The following ADAMTSL3 variants were observed in gnomAD, a reference collection of about 807,000 sequenced individuals.
ADAMTSL3 encodes the protein ADAMTS like 3.
Under a neutral mutation model 201.7 loss-of-function variants are expected in ADAMTSL3, and 128 were observed. That is an observed-to-expected ratio of 0.63 (90% CI 0.55 to 0.73). The LOEUF (loss-of-function observed/expected upper bound fraction) is 0.73, where lower values mean the gene tolerates loss of function less well. Among genes scored for constraint, ADAMTSL3 ranks in the 30% least tolerant of loss-of-function variants. The pLI, the probability that ADAMTSL3 is intolerant of heterozygous loss-of-function variation, is 0.00. For missense variants in ADAMTSL3, 1,990 were observed against 2,119.6 expected, an observed-to-expected ratio of 0.94 and a Z score of 1.20; for synonymous variants, 738 against 748.4, an observed-to-expected ratio of 0.99 and a Z score of 0.23.
At chr15:83,787,311 C>A (rs760468639) in intron 4 of ADAMTSL3, among the ~76,000 whole-genome samples, 3 of 152,084 alleles carry the variant, frequency 2.0e-5, no homozygotes, top group African/African-American at 2.4e-5. Context: ...TCTCTTTATG[C>A]TGTGCCCACA....
At chr15:83,774,023 C>T (rs746898826) in intron 4 of ADAMTSL3, among the ~76,000 whole-genome samples, 46 of 152,114 alleles carry the variant, frequency 3.0e-4, no homozygotes, top group African/African-American at 6.5e-4. Flanking sequence ...AGCAACCCGT[C>T]GATTAGGAAC....
intron 3 of ADAMTSL3, among the ~76,000 whole-genome samples, chr15:83,748,721 A>G (rs2062591626): frequency 6.6e-6 from 1 of 152,018 alleles, no homozygotes; most frequent in South Asian, 2.1e-4. Flanking sequence ...AAGAAGAAAG[A>G]AACACAGCAT....
At chr15:83,757,093 A>T (rs2062733922) in intron 3 of ADAMTSL3, among the ~76,000 whole-genome samples, 1 of 152,106 alleles carries the variant, frequency 6.6e-6, no homozygotes, top group South Asian at 2.1e-4. Context: ...CGGTCAGTGG[A>T]TCTACCATTC....
At chr15:83,841,603 A>G (rs956898830) in intron 7 of ADAMTSL3, among the ~76,000 whole-genome samples, 1 of 151,766 alleles carries the variant, frequency 6.6e-6, no homozygotes, top group African/African-American at 2.4e-5. Flanking sequence ...TGCTAGCTGC[A>G]TTTTTGTTAA....
intron 5 of ADAMTSL3, among the ~76,000 whole-genome samples, chr15:83,809,395 A>T (rs1419977488): frequency 6.6e-6 from 1 of 152,190 alleles, no homozygotes; most frequent in Non-Finnish European, 1.5e-5. Context: ...GCACCCAAGC[A>T]TCCTGTTACA....
intron 6 of ADAMTSL3, among the ~76,000 whole-genome samples, chr15:83,823,920 T>C (rs148171597): frequency 0.02 from 1,935 of 97,668 alleles, 69 homozygotes; most frequent in Non-Finnish European, 0.032. Context: ...CTTCTTCTTC[T>C]TCTTCTTCTT....
intron 22 of ADAMTSL3, among the ~76,000 whole-genome samples, chr15:83,989,404 C>T (rs2067543940): frequency 6.6e-6 from 1 of 152,218 alleles, no homozygotes; most frequent in Admixed American, 6.5e-5. Context: ...TGCTCAGGAA[C>T]TCACTTTCTA....
chr15:83,901,281 G>A (rs1564474), intron 15 of ADAMTSL3, among the ~76,000 whole-genome samples: 95,164 of 151,702 alleles, frequency 0.63, 30,934 homozygotes, highest in African/African-American at 0.79. Flanking sequence ...AGAGGAAGAT[G>A]GTAAGGGAGT....
chr15:83,841,836 A>G (rs1891088151), intron 7 of ADAMTSL3, among the ~76,000 whole-genome samples: 1 of 151,708 alleles, frequency 6.6e-6, no homozygotes, highest in African/African-American at 2.4e-5. Context: ...TGTCTATAAA[A>G]ACCCCAAGAC....
intron 8 of ADAMTSL3, among the ~76,000 whole-genome samples, chr15:83,864,315 G>C (rs570081532): frequency 6.6e-6 from 1 of 152,160 alleles, no homozygotes; most frequent in Non-Finnish European, 1.5e-5. Context: ...AACCAAAAAA[G>C]AGAATTTTAG....
At chr15:83,760,176 T>G (rs1274689938) in intron 3 of ADAMTSL3, among the ~76,000 whole-genome samples, 1 of 152,198 alleles carries the variant, frequency 6.6e-6, no homozygotes, top group African/African-American at 2.4e-5. Flanking sequence ...TATGTGCATT[T>G]AAAACTACAG....
chr15:83,931,806 C>T (rs1049614652), intron 17 of ADAMTSL3, among the ~76,000 whole-genome samples: 6 of 151,984 alleles, frequency 3.9e-5, no homozygotes, highest in African/African-American at 1.2e-4. Context: ...GGTCCCAAAG[C>T]AATTGTAGCA....
intron 2 of ADAMTSL3, among the ~76,000 whole-genome samples, chr15:83,673,005 C>T (rs2061347821): frequency 6.6e-6 from 1 of 152,238 alleles, no homozygotes; most frequent in South Asian, 2.1e-4. Context: ...ATGCTGCACC[C>T]TCTGTAAATC....
intron 23 of ADAMTSL3, 74 bp downstream of exon 23, chr15:83,991,288 C>T: frequency 6.3e-7 from 1 of 1,595,344 alleles, no homozygotes; most frequent in Non-Finnish European, 8.6e-7. Flanking sequence ...TGCCAGGAAA[C>T]ACCAGCTGGC....
At chr15:83,937,895 A>C (rs951703934) in intron 17 of ADAMTSL3, among the ~76,000 whole-genome samples, 2 of 150,942 alleles carry the variant, frequency 1.3e-5, no homozygotes, top group Admixed American at 1.3e-4. Context: ...AAAGATGCTA[A>C]GTGGTCCACA....
chr15:83,655,821 C>T lies in ADAMTSL3; in HGVS notation c.60C>T (p.Pro20=), dbSNP rs1455062339. The T allele has an allele frequency of 1.9e-6, 3 of 1,613,864 alleles. No individual in the cohort carries two copies. Among genetic ancestry groups the T allele is most frequent in the Non-Finnish European group, 2.5e-6 (3 of 1,179,988 alleles). Residue 20 remains proline (P), a synonymous_variant, in exon 2 of 30, where the codon CCC becomes CCT. Coordinates refer to ENST00000286744, the MANE Select transcript of ADAMTSL3 (RefSeq NM_207517.3). ...TAGGGATGGTCTTCATGCACTCTCC[C>T]CTCCCGCAGGTAAGGTCATATAGGG... The part of the protein sequence containing the change: ...VLIGMVFMHS[P]LPQTTAEKSP...
At chr15:83,737,305 G>T (rs997257287) in intron 3 of ADAMTSL3, among the ~76,000 whole-genome samples, 1 of 152,080 alleles carries the variant, frequency 6.6e-6, no homozygotes, top group Non-Finnish European at 1.5e-5. Flanking sequence ...AATTGATATG[G>T]TTAGGTTTTG....
chr15:83,983,594 G>A (rs2067427797), intron 21 of ADAMTSL3, among the ~76,000 whole-genome samples: 1 of 152,088 alleles, frequency 6.6e-6, no homozygotes, highest in African/African-American at 2.4e-5. Flanking sequence ...ATAAGTTTAA[G>A]CATATATACA....
chr15:83,974,965 G>A (rs1317888987), intron 20 of ADAMTSL3, among the ~76,000 whole-genome samples: 2 of 148,970 alleles, frequency 1.3e-5, no homozygotes, highest in African/African-American at 5.0e-5. Context: ...CCCGCCTGTG[G>A]TCTCTCTCCT....
Sources: gnomAD v4.1 joint callset for allele counts (sites outside exome capture counted in the v4.1 genomes callset) on GRCh38, gnomAD v4.1.1 for gene constraint, MANE v1.5 for transcripts, NCBI Gene and HGNC (gene_info 2026-07-23, HGNC 2026-07-21) for gene names.